HEPHL1: variants seen among roughly 807,000 people sequenced by gnomAD.
HEPHL1 encodes the protein ferroxidase HEPHL1.
Under a neutral mutation model 122.0 loss-of-function variants are expected in HEPHL1, and 123 were observed. That is an observed-to-expected ratio of 1.01 (90% CI 0.87 to 1.17). HEPHL1 has a LOEUF of 1.17. Among genes scored for constraint, HEPHL1 ranks in the 50% most tolerant of loss-of-function variants. The probability of loss-of-function intolerance (pLI) is 0.00; values close to 1 mark genes in which losing one functional copy is unlikely to be tolerated. For synonymous variants in HEPHL1, 527 were observed against 508.9 expected, an observed-to-expected ratio of 1.04 and a Z score of -0.48; for missense variants, 1,452 against 1,430.5, an observed-to-expected ratio of 1.01 and a Z score of -0.24.
At chr11:94,030,440 G>A (rs768101068) in intron 1 of HEPHL1, among the ~76,000 whole-genome samples, 1 of 152,224 alleles carries the variant, frequency 6.6e-6, no homozygotes, top group African/African-American at 2.4e-5. Flanking sequence ...AGAGCCAGAG[G>A]TTGGCAATCA....
At chr11:94,049,443 C>T (rs1299522280) in intron 2 of HEPHL1, among the ~76,000 whole-genome samples, 1 of 151,978 alleles carries the variant, frequency 6.6e-6, no homozygotes, top group Non-Finnish European at 1.5e-5. Context: ...TATGGAGATT[C>T]TTCAAAAAAT....
chr11:94,072,349 A>T (rs1946081134), intron 6 of HEPHL1, among the ~76,000 whole-genome samples: 1 of 152,114 alleles, frequency 6.6e-6, no homozygotes, highest in Non-Finnish European at 1.5e-5. Flanking sequence ...AAGATGCACA[A>T]GGAGGATAGA....
intron 1 of HEPHL1, among the ~76,000 whole-genome samples, chr11:94,039,287 T>C (rs1444785840): frequency 6.0e-5 from 9 of 149,532 alleles, no homozygotes; most frequent in East Asian, 4.0e-4. Flanking sequence ...CTTTAACACC[T>C]CACTGTCAAC....
chr11:94,096,065 A>G (rs1285636029), intron 13 of HEPHL1, among the ~76,000 whole-genome samples: 4 of 152,092 alleles, frequency 2.6e-5, no homozygotes, highest in Non-Finnish European at 5.9e-5. Flanking sequence ...TGTTGAACAG[A>G]AGTGGTGAGA....
intron 12 of HEPHL1, among the ~76,000 whole-genome samples, chr11:94,090,559 T>G (rs1318913456): frequency 6.6e-6 from 1 of 152,168 alleles, no homozygotes; most frequent in East Asian, 1.9e-4. Context: ...CCCCTGTCAC[T>G]CTGATTCTTG....
intron 10 of HEPHL1, among the ~76,000 whole-genome samples, chr11:94,085,013 A>T (rs1946204387): frequency 6.6e-6 from 1 of 152,258 alleles, no homozygotes; most frequent in Non-Finnish European, 1.5e-5. Context: ...CAATGGGATT[A>T]TAACAGAAGG....
At chr11:94,060,143 T>C (rs1348057931) in intron 2 of HEPHL1, among the ~76,000 whole-genome samples, 17 of 63,862 alleles carry the variant, frequency 2.7e-4, no homozygotes, top group African/African-American at 1.0e-3. Flanking sequence ...TATATATATA[T>C]ATATATACAC....
At chr11:94,102,884 A>G (rs1434522443) in intron 14 of HEPHL1, 30 bp from the exon 15 acceptor site, 7 of 1,085,690 alleles carry the variant, frequency 6.4e-6, no homozygotes, top group Non-Finnish European at 9.9e-6. Context: ...AGATAATTCT[A>G]ATAAATTTTT....
chr11:94,099,970 G>A (rs924737323), intron 13 of HEPHL1, among the ~76,000 whole-genome samples: 7 of 152,110 alleles, frequency 4.6e-5, no homozygotes, highest in Non-Finnish European at 8.8e-5. Context: ...CAGGTAAGGC[G>A]ATGCCTCTCC....
chr11:94,092,130 TA>T (rs1306815765), intron 12 of HEPHL1, among the ~76,000 whole-genome samples: 17 of 152,244 alleles, frequency 1.1e-4, no homozygotes, highest in Admixed American at 1.1e-3. Context: ...CCAACCTAGG[TA>T]AGTATTACAA....
At chr11:94,076,964 C>CT (rs956633956) in intron 9 of HEPHL1, among the ~76,000 whole-genome samples, 5 of 152,154 alleles carry the variant, frequency 3.3e-5, no homozygotes, top group Admixed American at 2.0e-4. Flanking sequence ...AGATCTCACA[C>CT]TTTTTTGGAA....
chr11:94,072,076 T>G (rs1015477209), intron 6 of HEPHL1, among the ~76,000 whole-genome samples: 3 of 152,130 alleles, frequency 2.0e-5, no homozygotes, highest in African/African-American at 7.2e-5. Context: ...CAATAACAAT[T>G]GCCATTTTGG....
At chr11:94,057,464 C>T (rs1264306136) in intron 2 of HEPHL1, among the ~76,000 whole-genome samples, 3 of 152,108 alleles carry the variant, frequency 2.0e-5, no homozygotes, top group African/African-American at 7.2e-5. Flanking sequence ...ATTTCCCCCA[C>T]CTCTCTTTTT....
At position 94,064,377 on chromosome 11, in the gene HEPHL1, G is replaced by T; in HGVS notation, c.675G>T (p.Glu225Asp). 1 of 1,613,330 alleles carries T rather than the reference G, an allele frequency of 6.2e-7. No individual in the cohort carries two copies. Among genetic ancestry groups the T allele is most frequent in the South Asian group, 1.1e-5 (1 of 91,036 alleles). Residue 225 changes from glutamate to aspartate, a missense_variant, in exon 4 of 20, where the codon GAG becomes GAT. Glu to Asp is a conservative substitution (Grantham distance 45). Transcript: ENST00000315765. ...YSGTRNDVDR[E>D]FVIMFTLVDE... is the part of the protein sequence containing the mutation. ...GGACACGGAATGATGTGGATCGAGA[G>T]TTTGTTATAATGTTTACTCTTGTGG...
chr11:94,107,848 A>G lies in HEPHL1; in HGVS notation c.3045+1718A>G, dbSNP rs1242221875. On this transcript the variant is annotated intron_variant, in intron 17 of 19. Coordinates refer to ENST00000315765, the MANE Select transcript of HEPHL1 (RefSeq NM_001098672.2). ...TATTACAAATCAAGTCATTACAAAC[A>G]TTTGTGCACATGTTTTTGTGTGAAC... Among the ~76,000 whole-genome samples, 3 of 81,472 alleles carry G rather than the reference A, an allele frequency of 3.7e-5. No individual in the cohort carries two copies. In the East Asian group the frequency reaches 8.7e-4, roughly 24 times the overall value. 53.4% of individuals were successfully genotyped at this position (81,472 alleles called of 152,430 possible).
intron 10 of HEPHL1, among the ~76,000 whole-genome samples, chr11:94,085,736 C>T (rs1591482502): frequency 6.6e-6 from 1 of 152,180 alleles, no homozygotes; most frequent in East Asian, 1.9e-4. Flanking sequence ...ATCCCTTAGT[C>T]ATTCTTAGAA....
At chr11:94,036,618 G>A (rs981168709) in intron 1 of HEPHL1, among the ~76,000 whole-genome samples, 5 of 151,940 alleles carry the variant, frequency 3.3e-5, no homozygotes, top group East Asian at 1.9e-4. Flanking sequence ...TGCATGAATT[G>A]GAGGTCAGGA....
chr11:94,023,927 C>T (rs1395585500), intron 1 of HEPHL1, among the ~76,000 whole-genome samples: 1 of 152,184 alleles, frequency 6.6e-6, no homozygotes, highest in Admixed American at 6.5e-5. Flanking sequence ...AGGTGGCTGA[C>T]ATTGCTTGTG....
chr11:94,075,070 ATTC>A (rs1384096498), intron 8 of HEPHL1, 101 bp from the exon 9 acceptor site: 1 of 908,544 alleles, frequency 1.1e-6, no homozygotes, highest in South Asian at 1.6e-5. Context: ...CTGGTACAAA[ATTC>A]TTCATCATCA....
Sources: allele counts gnomAD v4.1 joint callset (sites outside exome capture counted in the v4.1 genomes callset), GRCh38; gene constraint gnomAD v4.1.1; transcripts MANE v1.5; gene names NCBI Gene and HGNC (gene_info 2026-07-23, HGNC 2026-07-21).